CSMD3: variants seen among roughly 807,000 people sequenced by gnomAD.
CSMD3 encodes the protein CUB and sushi domain-containing protein 3.
Under a neutral mutation model 435.2 loss-of-function variants are expected in CSMD3, and 177 were observed. That is an observed-to-expected ratio of 0.41 (90% CI 0.36 to 0.46). CSMD3 has a LOEUF of 0.46. CSMD3 is among the 20% of genes least tolerant of loss of function. CSMD3 has a pLI of 0.34. For synonymous variants in CSMD3, 1,656 were observed against 1,520.5 expected, an observed-to-expected ratio of 1.09 and a Z score of -2.07; for missense variants, 4,265 against 4,504.6, an observed-to-expected ratio of 0.95 and a Z score of 1.52.
At chr8:112,964,906 C>T (rs549610688) in intron 7 of CSMD3, among the ~76,000 whole-genome samples, 2 of 152,090 alleles carry the variant, frequency 1.3e-5, no homozygotes, top group East Asian at 3.9e-4. Context: ...CCTAACACCA[C>T]GCTGTTCTGC....
intron 22 of CSMD3, among the ~76,000 whole-genome samples, chr8:112,633,526 T>G (rs1402089436): frequency 2.0e-5 from 3 of 152,074 alleles, no homozygotes; most frequent in Non-Finnish European, 2.9e-5. Flanking sequence ...ACAGAATTTT[T>G]CATAGATGTA....
intron 50 of CSMD3, 150 bp downstream of exon 50, chr8:112,310,828 T>G (rs750254843): frequency 1.4e-6 from 1 of 723,594 alleles, no homozygotes; most frequent in South Asian, 1.5e-5. Flanking sequence ...TTTATCATTC[T>G]GCAATGTTAT....
chr8:112,545,108 G>C (rs1827027647), intron 27 of CSMD3, among the ~76,000 whole-genome samples: 1 of 152,080 alleles, frequency 6.6e-6, no homozygotes, highest in Admixed American at 6.6e-5. Context: ...TGGCCTGGCA[G>C]TCTTACGTAT....
intron 35 of CSMD3, among the ~76,000 whole-genome samples, chr8:112,401,023 A>G (rs2129919760): frequency 6.6e-6 from 1 of 152,122 alleles, no homozygotes; most frequent in African/African-American, 2.4e-5. Flanking sequence ...CCTAGCCAAT[A>G]AGGTGAAACC....
chr8:113,330,076 C>G (rs1014645305), intron 1 of CSMD3, among the ~76,000 whole-genome samples: 5 of 151,914 alleles, frequency 3.3e-5, no homozygotes, highest in African/African-American at 1.2e-4. Context: ...TTTTATTTTC[C>G]TATATAATTT....
At chr8:112,368,577 G>T (rs1293500990) in intron 38 of CSMD3, among the ~76,000 whole-genome samples, 2 of 152,062 alleles carry the variant, frequency 1.3e-5, no homozygotes, top group African/African-American at 2.4e-5. Context: ...ACACAAATTT[G>T]CAGCACCTAC....
intron 28 of CSMD3, among the ~76,000 whole-genome samples, chr8:112,508,782 A>G (rs1766010371): frequency 6.6e-6 from 1 of 151,940 alleles, no homozygotes; most frequent in South Asian, 2.1e-4. Flanking sequence ...GTCTCTTCTT[A>G]CTAAATTCTG....
chr8:113,404,159 T>C (rs1032529624), intron 1 of CSMD3, among the ~76,000 whole-genome samples: 1 of 151,406 alleles, frequency 6.6e-6, no homozygotes, highest in Non-Finnish European at 1.5e-5. Context: ...TAAAAATCCA[T>C]AGCTCTATTT....
intron 3 of CSMD3, among the ~76,000 whole-genome samples, chr8:113,247,547 T>C (rs1456189736): frequency 6.6e-6 from 1 of 152,154 alleles, no homozygotes; most frequent in Admixed American, 6.6e-5. Context: ...CACCAGATTG[T>C]TGAAAGTCAT....
chr8:112,912,476 T>C (rs1431675648), intron 10 of CSMD3, among the ~76,000 whole-genome samples: 2 of 151,902 alleles, frequency 1.3e-5, no homozygotes, highest in African/African-American at 2.4e-5. Flanking sequence ...TGATACCGTT[T>C]CAATTAATGG....
intron 32 of CSMD3, among the ~76,000 whole-genome samples, chr8:112,434,498 A>G (rs1814090960): frequency 6.6e-6 from 1 of 152,108 alleles, no homozygotes; most frequent in South Asian, 2.1e-4. Context: ...TGAACTCTTC[A>G]GTACTTATAA....
intron 32 of CSMD3, among the ~76,000 whole-genome samples, chr8:112,415,955 C>A (rs1228791888): frequency 6.6e-6 from 1 of 152,096 alleles, no homozygotes; most frequent in African/African-American, 2.4e-5. Flanking sequence ...CTTTTACAGG[C>A]TTATAGGTAG....
chr8:112,287,027 A>T (rs199563521), intron 58 of CSMD3, 37 bp downstream of exon 58: 6 of 1,539,260 alleles, frequency 3.9e-6, no homozygotes. Flanking sequence ...ACTAAAATCC[A>T]GTAGTTGCAA....
intron 12 of CSMD3, among the ~76,000 whole-genome samples, chr8:112,814,460 C>G (rs1397918055): frequency 2.6e-5 from 4 of 152,132 alleles, no homozygotes; most frequent in Non-Finnish European, 5.9e-5. Flanking sequence ...TCTCTTCCAG[C>G]ACTTGATCTC....
At chr8:112,494,512 TTTC>T (rs1821090413) in intron 30 of CSMD3, among the ~76,000 whole-genome samples, 2 of 103,868 alleles carry the variant, frequency 1.9e-5, no homozygotes, top group Admixed American at 1.0e-4. Flanking sequence ...TCTTTCTTTC[TTTC>T]TTTCTTTCTT....
chr8:112,316,709 G>T lies in CSMD3; in HGVS notation c.7361-2092C>A, dbSNP rs1196932609. Among the ~76,000 whole-genome samples, 6 of 151,818 alleles carry T rather than the reference G, an allele frequency of 4.0e-5. No individual in the cohort carries two copies. The East Asian group carries it at 1.2e-3, about 29-fold the overall frequency. On this transcript the variant is annotated intron_variant, in intron 47 of 70. Transcript: ENST00000297405. ...GTACATATGAGAAAACTGATGGCCAGAAAGTTTAAAGTGCTCAAAATCTCC... is the reference window on the plus strand; with the variant it reads ...GTACATATGAGAAAACTGATGGCCATAAAGTTTAAAGTGCTCAAAATCTCC...
intron 45 of CSMD3, among the ~76,000 whole-genome samples, chr8:112,327,061 A>G (rs1039496073): frequency 6.6e-6 from 1 of 152,048 alleles, no homozygotes; most frequent in Non-Finnish European, 1.5e-5. Flanking sequence ...TAAATTGGAT[A>G]TCCTTGTTTT....
At chr8:113,422,629 A>T (rs577832964) in intron 1 of CSMD3, among the ~76,000 whole-genome samples, 1 of 152,056 alleles carries the variant, frequency 6.6e-6, no homozygotes, top group Non-Finnish European at 1.5e-5. Flanking sequence ...TAGAAACAAG[A>T]CCCTATCCTA....
chr8:112,485,589 C>T (rs1431936952), intron 31 of CSMD3, among the ~76,000 whole-genome samples: 1 of 151,912 alleles, frequency 6.6e-6, no homozygotes, highest in Non-Finnish European at 1.5e-5. Context: ...GCCATTTAAA[C>T]AAAATATCTG....
Sources: gnomAD v4.1 joint callset for allele counts (sites outside exome capture counted in the v4.1 genomes callset) on GRCh38, gnomAD v4.1.1 for gene constraint, MANE v1.5 for transcripts, NCBI Gene and HGNC (gene_info 2026-07-23, HGNC 2026-07-21) for gene names.